Variants in RUNDC3B observed in about 807,000 individuals in gnomAD.
The protein encoded by RUNDC3B is RUN domain-containing protein 3B.
A neutral mutation model predicts 58.4 loss-of-function variants in RUNDC3B; 33 were observed. The ratio of observed to expected loss-of-function variants is 0.56; its 90% confidence interval spans 0.43 to 0.75. The LOEUF is 0.75. RUNDC3B is among the 30% of genes least tolerant of loss of function. RUNDC3B has a pLI of 0.00. For synonymous variants in RUNDC3B, 193 were observed against 195.2 expected (o/e 0.99, Z 0.10); for missense variants, 501 against 535.7 (o/e 0.94, Z 0.64).
chr7:87,636,077 A>AT (rs1291967914), intron 1 of RUNDC3B, among the ~76,000 whole-genome samples: 1 of 152,032 alleles, frequency 6.6e-6, no homozygotes, highest in Non-Finnish European at 1.5e-5. Flanking sequence ...TGATATGTAC[A>AT]TTTTTCTGTC....
chr7:87,786,670 A>C (rs974659286), intron 8 of RUNDC3B, among the ~76,000 whole-genome samples: 2 of 152,062 alleles, frequency 1.3e-5, no homozygotes, highest in Non-Finnish European at 2.9e-5. Context: ...TGCTTTTAAC[A>C]TAAAATAATT....
At chr7:87,646,323 T>C (rs1189878468) in intron 1 of RUNDC3B, among the ~76,000 whole-genome samples, 1 of 152,178 alleles carries the variant, frequency 6.6e-6, no homozygotes, top group Admixed American at 6.5e-5. Flanking sequence ...AATAGTTTGT[T>C]AAGTAATCTA....
intron 3 of RUNDC3B, among the ~76,000 whole-genome samples, chr7:87,704,338 A>C (rs1829407100): frequency 6.6e-6 from 1 of 152,250 alleles, no homozygotes; most frequent in Non-Finnish European, 1.5e-5. Context: ...ATCTATAAAA[A>C]GTATTCTAGA....
chr7:87,717,196 G>A (rs895463633), intron 4 of RUNDC3B, among the ~76,000 whole-genome samples: 15 of 152,046 alleles, frequency 9.9e-5, no homozygotes, highest in African/African-American at 3.6e-4. Context: ...GGATAATGGA[G>A]GTATTCTATA....
intron 3 of RUNDC3B, chr7:87,709,542 TATC>T (rs1829887195): frequency 2.0e-6 from 2 of 984,388 alleles, no homozygotes; most frequent in Non-Finnish European, 2.4e-6. Context: ...ACCATACCCT[TATC>T]ATTCATTTTC....
intron 8 of RUNDC3B, among the ~76,000 whole-genome samples, chr7:87,778,656 ACTAGGTTG>A (rs1834777847): frequency 6.6e-6 from 1 of 152,174 alleles, no homozygotes; most frequent in Non-Finnish European, 1.5e-5. Context: ...ATTAACTGTT[ACTAGGTTG>A]TACCAGAATG....
In RUNDC3B at chr7:87,628,551, C is replaced by A. The variant is rs1820832873; in HGVS notation, c.-273C>A. ...CCCGCAGGCGCAGCCCGGCAGTCGG[C>A]GGCGCGCCGAGGGCGGAGGTGGTGC... is the stretch of plus-strand genomic sequence containing the variant. On this transcript the variant is annotated 5_prime_UTR_variant, in exon 1 of 11. Coordinates refer to ENST00000394654, the MANE Select transcript of RUNDC3B (RefSeq NM_001134405.2). 1 of 307,058 alleles carries A rather than the reference C, an allele frequency of 3.3e-6. No individual in the cohort carries two copies. The highest frequency in any genetic ancestry group is 5.9e-6 in the Non-Finnish European group (1 of 169,424). The allele number at this position is 307,058 out of a possible 1,614,324, so 19.0% of individuals were successfully genotyped here. A position where few individuals can be genotyped will look rare whatever the true frequency, so the allele number is the denominator to read the frequency against.
chr7:87,720,542 A>ATG (rs3028189), intron 4 of RUNDC3B, among the ~76,000 whole-genome samples: 4,872 of 145,222 alleles, frequency 0.034, 144 homozygotes, highest in African/African-American at 0.082. Flanking sequence ...GATAGGATAT[A>ATG]TGTGTGTGTG....
chr7:87,820,571 C>T (rs998225744), intron 10 of RUNDC3B, among the ~76,000 whole-genome samples: 1 of 152,108 alleles, frequency 6.6e-6, no homozygotes, highest in Admixed American at 6.6e-5. Context: ...CAAAGCCGGG[C>T]AGAGACACAA....
chr7:87,714,788 G>A (rs28746481), intron 4 of RUNDC3B, among the ~76,000 whole-genome samples: 34 of 152,000 alleles, frequency 2.2e-4, no homozygotes, highest in African/African-American at 4.6e-4. Flanking sequence ...CCATGCATCC[G>A]TTTATAGGCT....
chr7:87,680,284 C>T (rs1217854279), intron 2 of RUNDC3B, among the ~76,000 whole-genome samples: 2 of 150,614 alleles, frequency 1.3e-5, no homozygotes, highest in Non-Finnish European at 2.9e-5. Flanking sequence ...CATTGATAGA[C>T]ATTTGGGTTG....
chr7:87,729,757 G>A (rs1157440064), intron 4 of RUNDC3B, among the ~76,000 whole-genome samples: 1 of 152,222 alleles, frequency 6.6e-6, no homozygotes, highest in Admixed American at 6.5e-5. Context: ...AGCCAAGAGA[G>A]TGCTTGCATC....
At chr7:87,781,527 A>T (rs1169167778) in intron 8 of RUNDC3B, among the ~76,000 whole-genome samples, 1 of 152,060 alleles carries the variant, frequency 6.6e-6, no homozygotes, top group Non-Finnish European at 1.5e-5. Context: ...TATGTTGAAT[A>T]GGAGTGGCCA....
chr7:87,778,281 A>C (rs1489494557), intron 8 of RUNDC3B, among the ~76,000 whole-genome samples: 1 of 152,026 alleles, frequency 6.6e-6, no homozygotes, highest in Admixed American at 6.6e-5. Context: ...ATCTCTACTA[A>C]AAATACAAAA....
At chr7:87,678,813 A>T (rs903790379) in intron 2 of RUNDC3B, among the ~76,000 whole-genome samples, 1 of 152,218 alleles carries the variant, frequency 6.6e-6, no homozygotes, top group African/African-American at 2.4e-5. Flanking sequence ...CAGAACAAAG[A>T]AAACTGACAG....
At chr7:87,721,787 C>CTCTCTG (rs930646975) in intron 4 of RUNDC3B, among the ~76,000 whole-genome samples, 5 of 151,826 alleles carry the variant, frequency 3.3e-5, no homozygotes, top group Non-Finnish European at 7.4e-5. Flanking sequence ...CTCTCTCTCT[C>CTCTCTG]TCTCTGTCTC....
intron 4 of RUNDC3B, among the ~76,000 whole-genome samples, chr7:87,715,933 G>A (rs1431363646): frequency 1.3e-5 from 2 of 152,022 alleles, no homozygotes; most frequent in Admixed American, 1.3e-4. Context: ...AGAGAATAGA[G>A]TAACGGAAAT....
At chr7:87,727,842 A>C (rs1831330467) in intron 4 of RUNDC3B, among the ~76,000 whole-genome samples, 1 of 152,186 alleles carries the variant, frequency 6.6e-6, no homozygotes. Flanking sequence ...AGTTAAATTA[A>C]GTAACAAAGA....
chr7:87,774,269 TA>T (rs1210221048), intron 7 of RUNDC3B, among the ~76,000 whole-genome samples: 5 of 152,136 alleles, frequency 3.3e-5, no homozygotes, highest in Non-Finnish European at 5.9e-5. Context: ...ACAACTTGTA[TA>T]GTACTTGTAG....
Sources: allele counts gnomAD v4.1 joint callset (sites outside exome capture counted in the v4.1 genomes callset), GRCh38; gene constraint gnomAD v4.1.1; transcripts MANE v1.5; gene names NCBI Gene and HGNC (gene_info 2026-07-23, HGNC 2026-07-21).